Variants in COLEC11 observed in about 807,000 individuals in gnomAD.
COLEC11 encodes collectin subfamily member 11.
COLEC11 carries 20 observed loss-of-function variants against 27.3 expected under a neutral mutation model. The observed-to-expected ratio is 0.73, with a 90% CI of 0.51 to 1.06. The LOEUF (loss-of-function observed/expected upper bound fraction) is 1.06. COLEC11 is among the 50% of genes least tolerant of loss of function. The probability of loss-of-function intolerance (pLI) is 0.00; values close to 1 mark genes in which losing one functional copy is unlikely to be tolerated. For synonymous variants in COLEC11, 163 were observed against 154.7 expected (o/e 1.05, Z -0.40); for missense variants, 310 against 383.0 (o/e 0.81, Z 1.59).
intron 3 of COLEC11, among the ~76,000 whole-genome samples, chr2:3,623,984 G>A (rs527902807): frequency 1.3e-5 from 2 of 152,276 alleles, no homozygotes; most frequent in East Asian, 3.9e-4. Flanking sequence ...TTACAAAACA[G>A]CCTGGCTAGG....
chr2:3,603,093 C>A (rs1431133766), intron 1 of COLEC11, among the ~76,000 whole-genome samples: 1 of 152,206 alleles, frequency 6.6e-6, no homozygotes, highest in African/African-American at 2.4e-5. Context: ...GGAAGCATGG[C>A]CTTTGGGATG....
chr2:3,643,413 C>T lies in COLEC11; in HGVS notation c.329-31C>T, dbSNP rs778923651. The T allele has an allele frequency of 7.0e-6, 11 of 1,565,816 alleles. No individual in the cohort carries two copies. The South Asian group carries it at 1.1e-4, about 16-fold the overall frequency. On this transcript the variant is annotated intron_variant, in intron 5 of 6. Transcript: ENST00000349077. Reference sequence around the variant, plus strand: ...CTTCTGAGTCCGAGTCCTCATCCAGCGTTTGTAACGCGTGGGCCTGGCCCC... The same window carrying T: ...CTTCTGAGTCCGAGTCCTCATCCAGTGTTTGTAACGCGTGGGCCTGGCCCC...
intron 1 of COLEC11, among the ~76,000 whole-genome samples, chr2:3,598,134 C>T (rs1284175393): frequency 1.3e-5 from 2 of 152,096 alleles, no homozygotes; most frequent in African/African-American, 4.8e-5. Flanking sequence ...CAGGGTTTCA[C>T]CATGTTGGCC....
chr2:3,617,448 C>T (rs1440879557), intron 3 of COLEC11: 5 of 1,237,388 alleles, frequency 4.0e-6, no homozygotes, highest in Non-Finnish European at 6.0e-6. Context: ...TAAACTTGAT[C>T]CAATCTCTTT....
chr2:3,605,912 G>A (rs879666657), intron 2 of COLEC11: 79 of 697,404 alleles, frequency 1.1e-4, no homozygotes, highest in Non-Finnish European at 1.6e-4. Context: ...TAGCCCTGCT[G>A]TTGGAAACCA....
intron 4 of COLEC11, among the ~76,000 whole-genome samples, chr2:3,638,817 A>G (rs185513467): frequency 5.6e-4 from 86 of 152,342 alleles, no homozygotes; most frequent in South Asian, 3.3e-3. Context: ...ATGGTAAAAT[A>G]CTTATATCCC....
At chr2:3,599,834 T>C (rs1328441388) in intron 1 of COLEC11, among the ~76,000 whole-genome samples, 1 of 152,218 alleles carries the variant, frequency 6.6e-6, no homozygotes. Flanking sequence ...CACCCGTCAG[T>C]GGCATGCAGT....
intron 2 of COLEC11, among the ~76,000 whole-genome samples, chr2:3,610,849 C>A (rs73914512): frequency 6.6e-6 from 1 of 152,194 alleles, no homozygotes; most frequent in Non-Finnish European, 1.5e-5. Flanking sequence ...TTTATTCTTG[C>A]GTCCGGTGTT....
At chr2:3,641,402 C>T (rs1253066087) in intron 5 of COLEC11, 2 of 1,297,440 alleles carry the variant, frequency 1.5e-6, no homozygotes, top group Non-Finnish European at 2.0e-6. Flanking sequence ...GGGGCCCGGA[C>T]AAAGCCTCTG....
At chr2:3,640,175 G>A (rs1033077454) in intron 4 of COLEC11, 103 bp from the exon 5 acceptor site, 3 of 770,314 alleles carry the variant, frequency 3.9e-6, no homozygotes, top group East Asian at 2.6e-5. Flanking sequence ...AGAGGGCCTG[G>A]GATAAATCCG....
intron 1 of COLEC11, among the ~76,000 whole-genome samples, chr2:3,598,909 T>C (rs1324522521): frequency 1.3e-5 from 2 of 152,208 alleles, no homozygotes; most frequent in Non-Finnish European, 1.5e-5. Context: ...AAATCAGATA[T>C]GTGTCCACAT....
In COLEC11 at chr2:3,643,914, C is replaced by T; in HGVS notation, c.612C>T (p.Gly204=). 1.2e-6 allele frequency: 2 copies of T among 1,614,110 alleles called. No homozygotes were observed. Among genetic ancestry groups the T allele is most frequent in the South Asian group, 1.1e-5 (1 of 91,090 alleles). ...AQAGLARVFI[G]INDLEKEGAF... ...CCGGCCTGGCCCGTGTCTTCATCGG[C>T]ATCAACGACCTGGAGAAGGAGGGCG... is the stretch of plus-strand genomic sequence containing the variant. Residue 204 remains glycine, a synonymous_variant, in exon 7 of 7, where the codon GGC becomes GGT. Coordinates refer to ENST00000349077, the MANE Select transcript of COLEC11 (RefSeq NM_024027.5).
chr2:3,641,170 A>T, intron 5 of COLEC11: 1 of 1,272,976 alleles, frequency 7.9e-7, no homozygotes, highest in Non-Finnish European at 1.0e-6. Context: ...TCCGAGAAGG[A>T]TCTGACTCTT....
intron 3 of COLEC11, among the ~76,000 whole-genome samples, chr2:3,629,209 C>CTAAGTGGG: frequency 6.6e-6 from 1 of 152,218 alleles, no homozygotes; most frequent in South Asian, 2.1e-4. Flanking sequence ...AAGTCAGCTA[C>CTAAGTGGG]AGAAAAGGTT....
rs1166257031 is a variant in COLEC11 at position 3,626,064 on chromosome 2, C to A, written c.203-11469C>A. The stretch of plus-strand genomic sequence containing the variant: ...CTGACATCTCCAAAAGGAAGTGCAC[C>A]TCGTCCTTTGTAGAAATGGGATCAC... On this transcript the variant is annotated intron_variant, in intron 3 of 6. Coordinates refer to ENST00000349077, the MANE Select transcript of COLEC11 (RefSeq NM_024027.5). 1.9e-6 allele frequency: 3 copies of A among 1,613,988 alleles called. No homozygotes were observed. In the African/African-American group the frequency reaches 4.0e-5, roughly 22 times the overall value.
At chr2:3,603,782 C>A in intron 1 of COLEC11, 1 of 966,132 alleles carries the variant, frequency 1.0e-6, no homozygotes, top group Non-Finnish European at 1.6e-6. Context: ...TCTCTCCTTA[C>A]TGATCTCACC....
intron 2 of COLEC11, among the ~76,000 whole-genome samples, chr2:3,607,684 C>T (rs114325387): frequency 0.057 from 8,746 of 152,164 alleles, 352 homozygotes; most frequent in African/African-American, 0.12. Context: ...CCTGACCTCA[C>T]GTAATCCACC....
At chr2:3,606,880 C>T (rs1235357175) in intron 2 of COLEC11, among the ~76,000 whole-genome samples, 2 of 152,222 alleles carry the variant, frequency 1.3e-5, no homozygotes, top group Non-Finnish European at 2.9e-5. Context: ...GGAGAGGCAG[C>T]GTGCGGCACA....
chr2:3,597,255 C>T (rs919387040), intron 1 of COLEC11, among the ~76,000 whole-genome samples: 1 of 151,120 alleles, frequency 6.6e-6, no homozygotes, highest in African/African-American at 2.4e-5. Context: ...CGAGAAATCC[C>T]AGCCTGGGCT....
Sources: allele counts gnomAD v4.1 joint callset (sites outside exome capture counted in the v4.1 genomes callset), GRCh38; gene constraint gnomAD v4.1.1; transcripts MANE v1.5; gene names NCBI Gene and HGNC (gene_info 2026-07-23, HGNC 2026-07-21).